GABBR2: variants seen among roughly 807,000 people sequenced by gnomAD.
GABBR2 encodes the protein gamma-aminobutyric acid type B receptor subunit 2, also known as G-protein coupled receptor 51.
A neutral mutation model predicts 105.6 loss-of-function variants in GABBR2; 23 were observed. The observed-to-expected ratio is 0.22, with a 90% confidence interval of 0.16 to 0.31. The LOEUF (loss-of-function observed/expected upper bound fraction) is 0.31, where lower values mean the gene tolerates loss of function less well. GABBR2 is among the 10% of genes least tolerant of loss of function. The probability of loss-of-function intolerance (pLI) is 1.00; values close to 1 mark genes in which losing one functional copy is unlikely to be tolerated. For synonymous variants in GABBR2, 478 were observed against 499.7 expected (o/e 0.96, Z 0.58); for missense variants, 734 against 1,245.5 (o/e 0.59, Z 6.18).
chr9:98,335,380 C>T (rs971214852), intron 13 of GABBR2, among the ~76,000 whole-genome samples: 15 of 152,112 alleles, frequency 9.9e-5, no homozygotes, highest in African/African-American at 2.9e-4. Context: ...ACTTTCTAGT[C>T]GTAAAAATTT....
intron 1 of GABBR2, among the ~76,000 whole-genome samples, chr9:98,588,116 C>G (rs1451746251): frequency 6.6e-6 from 1 of 152,034 alleles, no homozygotes; most frequent in Non-Finnish European, 1.5e-5. Flanking sequence ...CTTTCCACAC[C>G]CAGGGTGCTT....
chr9:98,341,698 C>A (rs1831216184), intron 13 of GABBR2, among the ~76,000 whole-genome samples: 1 of 152,134 alleles, frequency 6.6e-6, no homozygotes, highest in Non-Finnish European at 1.5e-5. Context: ...GTACTCAGTT[C>A]CACGAGGACC....
intron 7 of GABBR2, among the ~76,000 whole-genome samples, chr9:98,448,936 A>G (rs189957348): frequency 9.3e-5 from 14 of 150,328 alleles, no homozygotes; most frequent in African/African-American, 2.9e-4. Context: ...AAAAAAAAAG[A>G]TCACCTGAAG....
chr9:98,689,332 G>C (rs1347750268), intron 1 of GABBR2, among the ~76,000 whole-genome samples: 1 of 152,192 alleles, frequency 6.6e-6, no homozygotes, highest in African/African-American at 2.4e-5. Flanking sequence ...CTGTGCCTCA[G>C]TTTTCTCATC....
In GABBR2 at chr9:98,667,993, C is replaced by T. The variant is rs566575955; in HGVS notation, c.321+40424G>A. 1.6e-4 allele frequency among the ~76,000 whole-genome samples: 25 copies of T among 152,266 alleles called. 1 individual carries two copies. In the South Asian group the frequency reaches 1.9e-3, roughly 11 times the overall value. ...GGGCAGCCCAGGGCCAGTGACTGGC[C>T]GATGCAGGAAAACAAAGGCCCAGTC... is the stretch of plus-strand genomic sequence containing the variant. On this transcript the variant is annotated intron_variant, in intron 1 of 18. Transcript: ENST00000259455.
At position 98,339,079 on chromosome 9, in the gene GABBR2, T is replaced by C. The variant is rs186824971; in HGVS notation, c.1893+23636A>G. ...GAAATGTCCACAATAGACAAATCCA[T>C]AAAGGCTGAAAATAGATGAGTGGTT... On this transcript the variant is annotated intron_variant, in intron 13 of 18. Transcript: ENST00000259455. Among the ~76,000 whole-genome samples, 308 of 152,046 alleles carry C rather than the reference T, an allele frequency of 2.0e-3. 1 individual carries two copies. The highest frequency in any genetic ancestry group is 7.2e-3 in the African/African-American group (297 of 41,478).
At chr9:98,397,029 A>G (rs1031774909) in intron 8 of GABBR2, among the ~76,000 whole-genome samples, 40 of 152,230 alleles carry the variant, frequency 2.6e-4, no homozygotes, top group African/African-American at 8.9e-4. Context: ...AAATAGGTTA[A>G]GTACCCACTC....
At chr9:98,319,522 T>C (rs943727010) in intron 13 of GABBR2, among the ~76,000 whole-genome samples, 1 of 151,680 alleles carries the variant, frequency 6.6e-6, no homozygotes, top group African/African-American at 2.4e-5. Flanking sequence ...TTTCTCAACA[T>C]GGGCACTTCC....
chr9:98,549,979 A>C (rs1328127757), intron 2 of GABBR2, among the ~76,000 whole-genome samples: 1 of 152,198 alleles, frequency 6.6e-6, no homozygotes, highest in Non-Finnish European at 1.5e-5. Flanking sequence ...GACCAAGTTC[A>C]CAAAGAATTA....
intron 7 of GABBR2, among the ~76,000 whole-genome samples, chr9:98,418,471 G>A (rs545873076): frequency 6.6e-6 from 1 of 152,180 alleles, no homozygotes; most frequent in South Asian, 2.1e-4. Flanking sequence ...GGAGGTCAGG[G>A]CTGCAGTGAG....
chr9:98,537,189 T>C (rs981560906), intron 3 of GABBR2, among the ~76,000 whole-genome samples: 2 of 152,154 alleles, frequency 1.3e-5, no homozygotes, highest in African/African-American at 4.8e-5. Context: ...GCTCCATCCA[T>C]ACAAGGGATT....
chr9:98,368,774 T>G (rs1831726949), intron 12 of GABBR2, among the ~76,000 whole-genome samples: 1 of 152,186 alleles, frequency 6.6e-6, no homozygotes, highest in Non-Finnish European at 1.5e-5. Context: ...GAACAGCTCT[T>G]AAACCAGAGC....
At position 98,593,353 on chromosome 9, in the gene GABBR2, A is replaced by T. The variant is rs551823006; in HGVS notation, c.322-15281T>A. Among the ~76,000 whole-genome samples, 4 of 152,308 alleles carry T rather than the reference A, an allele frequency of 2.6e-5. No individual in the cohort carries two copies. The East Asian group carries it at 7.7e-4, about 29-fold the overall frequency. On this transcript the variant is annotated intron_variant, in intron 1 of 18. Coordinates refer to ENST00000259455, the MANE Select transcript of GABBR2 (RefSeq NM_005458.8). ...GACAGGGACGACGACCCTGGCAGCC[A>T]CTTGAAGGTCGTTATTCAAGTGAGG...
chr9:98,436,348 CATATATATATATATATATATATATAT>C (rs1158239322), intron 7 of GABBR2, among the ~76,000 whole-genome samples: 12 of 7,604 alleles, frequency 1.6e-3, no homozygotes, highest in African/African-American at 2.6e-3. Flanking sequence ...ACACACACAC[CATATATATATATATATATATATATAT>C]ATATATATAT....
chr9:98,545,431 G>A (rs1445141202), intron 2 of GABBR2, among the ~76,000 whole-genome samples: 1 of 152,170 alleles, frequency 6.6e-6, no homozygotes, highest in African/African-American at 2.4e-5. Context: ...AAAACTGCAG[G>A]TGCCCAGTAG....
intron 13 of GABBR2, among the ~76,000 whole-genome samples, chr9:98,344,612 G>A (rs895762616): frequency 1.1e-4 from 16 of 152,004 alleles, no homozygotes; most frequent in African/African-American, 3.9e-4. Context: ...CCATCTGCCT[G>A]GGGACAGCTC....
intron 4 of GABBR2, among the ~76,000 whole-genome samples, chr9:98,489,675 C>T (rs2131661099): frequency 6.6e-6 from 1 of 152,226 alleles, no homozygotes; most frequent in East Asian, 1.9e-4. Flanking sequence ...ATTTTTCAGC[C>T]CCCGAGAGAG....
chr9:98,537,342 A>C (rs1828201246), intron 3 of GABBR2, among the ~76,000 whole-genome samples: 1 of 152,192 alleles, frequency 6.6e-6, no homozygotes, highest in African/African-American at 2.4e-5. Flanking sequence ...AGAAAAGGTA[A>C]AACTATTCCT....
In GABBR2 at chr9:98,480,921, G is replaced by C. The variant is rs372050584; in HGVS notation, c.798+11C>G. The C allele has an allele frequency of 2.0e-6, 3 of 1,531,852 alleles. No homozygotes were observed. The highest frequency in any genetic ancestry group is 2.7e-6 in the Non-Finnish European group (3 of 1,104,870). 94.9% of individuals were successfully genotyped at this position (1,531,852 alleles called of 1,614,324 possible). A position where few individuals can be genotyped will look rare whatever the true frequency, so the allele number is the denominator to read the frequency against. On this transcript the variant is annotated intron_variant, in intron 5 of 18. Coordinates refer to ENST00000259455, the MANE Select transcript of GABBR2 (RefSeq NM_005458.8). The stretch of plus-strand genomic sequence containing the variant: ...CCCCAAAGACACGAATGATACAACT[G>C]TTTTACTTACACAACAGAACACTTT...
Sources: gnomAD v4.1 joint callset for allele counts (sites outside exome capture counted in the v4.1 genomes callset) on GRCh38, gnomAD v4.1.1 for gene constraint, MANE v1.5 for transcripts, NCBI Gene and HGNC (gene_info 2026-07-23, HGNC 2026-07-21) for gene names.